Variants in ROBO2 observed in about 807,000 individuals in gnomAD.
The protein encoded by ROBO2 is roundabout guidance receptor 2, also known as roundabout homolog 2.
Under a neutral mutation model 160.8 loss-of-function variants are expected in ROBO2, and 53 were observed. The observed-to-expected ratio is 0.33, with a 90% CI of 0.26 to 0.41. The LOEUF is 0.41. ROBO2 is among the 10% of genes least tolerant of loss of function. ROBO2 has a pLI of 1.00. For synonymous variants in ROBO2, 664 were observed against 611.7 expected, an observed-to-expected ratio of 1.09 and a Z score of -1.26; for missense variants, 1,577 against 1,722.4, an observed-to-expected ratio of 0.92 and a Z score of 1.49.
intron 2 of ROBO2, among the ~76,000 whole-genome samples, chr3:75,987,568 G>A (rs1276698160): frequency 6.6e-6 from 1 of 151,802 alleles, no homozygotes; most frequent in Non-Finnish European, 1.5e-5. Context: ...GATTTCACTG[G>A]TTAGGACTTT....
Position 77,597,713 on chromosome 3 carries a change from GA to G in ROBO2, c.2854+973del, listed in dbSNP as rs35072432. 4.2e-3 allele frequency among the ~76,000 whole-genome samples: 146 copies of G among 34,516 alleles called. 1 individual carries two copies. The South Asian group carries it at 0.067, about 16-fold the overall frequency. 22.6% of individuals were successfully genotyped at this position (34,516 alleles called of 152,430 possible). A position where few individuals can be genotyped will look rare whatever the true frequency, so the allele number is the denominator to read the frequency against. On this transcript the variant is annotated intron_variant, in intron 19 of 25. Coordinates refer to ENST00000461745, the Ensembl canonical transcript of ROBO2. The stretch of plus-strand genomic sequence containing the variant: ...AATTTAAAAATGAGTCAAAAGTATG[GA>G]AAAAAAAAAGTGTTTAGAAAAGAAG...
intron 2 of ROBO2, among the ~76,000 whole-genome samples, chr3:77,341,857 A>G (rs1445088936): frequency 6.6e-6 from 1 of 152,038 alleles, no homozygotes; most frequent in Non-Finnish European, 1.5e-5. Context: ...TTTAAAAATA[A>G]TTATAAATAT....
At chr3:77,420,038 C>T (rs1315037761) in intron 2 of ROBO2, among the ~76,000 whole-genome samples, 3 of 151,924 alleles carry the variant, frequency 2.0e-5, no homozygotes, top group Non-Finnish European at 1.5e-5. Flanking sequence ...TACCAAATAC[C>T]TGAGAACCAT....
chr3:77,048,558 T>G (rs1253776863), intron 1 of ROBO2, among the ~76,000 whole-genome samples: 5 of 152,222 alleles, frequency 3.3e-5, no homozygotes, highest in African/African-American at 1.2e-4. Flanking sequence ...CCTGGTGCTT[T>G]GATATAACGT....
At chr3:76,239,896 C>A (rs539577788) in intron 2 of ROBO2, among the ~76,000 whole-genome samples, 69 of 152,146 alleles carry the variant, frequency 4.5e-4, no homozygotes, top group Admixed American at 2.0e-3. Flanking sequence ...AGTCTAGGTG[C>A]AGATTGTCAG....
chr3:76,567,065 A>C (rs2084572300), intron 2 of ROBO2, among the ~76,000 whole-genome samples: 1 of 152,206 alleles, frequency 6.6e-6, no homozygotes, highest in Non-Finnish European at 1.5e-5. Flanking sequence ...TAGTCTTAAC[A>C]CCAACACAGC....
At chr3:76,601,943 G>A (rs988881895) in intron 2 of ROBO2, among the ~76,000 whole-genome samples, 1 of 152,164 alleles carries the variant, frequency 6.6e-6, no homozygotes, top group African/African-American at 2.4e-5. Context: ...GTCATCTGTT[G>A]AATGCTTGGC....
At chr3:77,640,237 G>A (rs1308154234) in intron 24 of ROBO2, among the ~76,000 whole-genome samples, 2 of 149,702 alleles carry the variant, frequency 1.3e-5, no homozygotes, top group South Asian at 2.1e-4. Context: ...TCAGCCTCCC[G>A]AGTAGCTGGG....
chr3:76,331,410 G>A (rs1179930482), intron 2 of ROBO2, among the ~76,000 whole-genome samples: 1 of 151,842 alleles, frequency 6.6e-6, no homozygotes, highest in Non-Finnish European at 1.5e-5. Flanking sequence ...TTAATTACAA[G>A]CTTCTTTTTT....
At chr3:77,425,797 G>A (rs2078143759) in intron 2 of ROBO2, among the ~76,000 whole-genome samples, 1 of 151,630 alleles carries the variant, frequency 6.6e-6, no homozygotes, top group African/African-American at 2.4e-5. Context: ...TCGAGTAGCT[G>A]GAATTACAGG....
At chr3:76,054,365 T>C (rs1472337998) in intron 2 of ROBO2, among the ~76,000 whole-genome samples, 2 of 152,196 alleles carry the variant, frequency 1.3e-5, no homozygotes, top group African/African-American at 4.8e-5. Flanking sequence ...ACATGTCAAG[T>C]CACTTTTCTT....
intron 2 of ROBO2, among the ~76,000 whole-genome samples, chr3:76,357,239 A>G (rs1326265166): frequency 6.6e-6 from 1 of 151,948 alleles, no homozygotes; most frequent in African/African-American, 2.4e-5. Flanking sequence ...TTAATGCAGG[A>G]ACAGAAAACC....
At chr3:76,525,876 C>T (rs555752005) in intron 2 of ROBO2, among the ~76,000 whole-genome samples, 2 of 151,788 alleles carry the variant, frequency 1.3e-5, no homozygotes, top group Admixed American at 1.3e-4. Context: ...GACACTTTAC[C>T]GCAGAAAAAA....
intron 2 of ROBO2, among the ~76,000 whole-genome samples, chr3:76,746,186 G>T (rs982097400): frequency 1.2e-4 from 18 of 151,964 alleles, no homozygotes; most frequent in Non-Finnish European, 2.5e-4. Context: ...TGGCTGCATA[G>T]TATTCCATGC....
At chr3:77,284,363 C>T (rs971375736) in intron 2 of ROBO2, among the ~76,000 whole-genome samples, 4 of 152,036 alleles carry the variant, frequency 2.6e-5, no homozygotes, top group African/African-American at 9.7e-5. Context: ...ATAAAGACAC[C>T]GATGGTGTCT....
chr3:77,304,032 C>A (rs1228347966), intron 2 of ROBO2, among the ~76,000 whole-genome samples: 3 of 152,116 alleles, frequency 2.0e-5, no homozygotes, highest in Non-Finnish European at 4.4e-5. Context: ...ACTAACACAT[C>A]TCCTAGGTGT....
At chr3:76,579,270 C>T (rs374560756) in intron 2 of ROBO2, among the ~76,000 whole-genome samples, 9 of 152,260 alleles carry the variant, frequency 5.9e-5, no homozygotes, top group African/African-American at 2.2e-4. Context: ...CCACAGAATT[C>T]TCTGTCCTGA....
chr3:76,618,016 C>T (rs1054190673), intron 2 of ROBO2, among the ~76,000 whole-genome samples: 11 of 151,520 alleles, frequency 7.3e-5, no homozygotes, highest in African/African-American at 4.9e-5. Context: ...ATATCACCAC[C>T]GAACTTCCAG....
At chr3:76,605,294 G>C (rs1290898174) in intron 2 of ROBO2, among the ~76,000 whole-genome samples, 3 of 151,924 alleles carry the variant, frequency 2.0e-5, no homozygotes, top group Non-Finnish European at 4.4e-5. Context: ...CAGATATGTA[G>C]ATTAAGTTAA....
Sources: allele counts gnomAD v4.1 joint callset (sites outside exome capture counted in the v4.1 genomes callset), GRCh38; gene constraint gnomAD v4.1.1; transcripts MANE v1.5; gene names NCBI Gene and HGNC (gene_info 2026-07-23, HGNC 2026-07-21).